GALNTL6: variants seen among roughly 807,000 people sequenced by gnomAD.
GALNTL6 encodes the protein polypeptide N-acetylgalactosaminyltransferase-like 6.
GALNTL6 carries 46 observed loss-of-function variants against 73.7 expected under a neutral mutation model. The ratio of observed to expected loss-of-function variants is 0.62; its 90% CI spans 0.49 to 0.80. The LOEUF is 0.80. GALNTL6 is among the 30% of genes least tolerant of loss of function. GALNTL6 has a pLI of 0.00. For synonymous variants in GALNTL6, 259 were observed against 263.7 expected, an observed-to-expected ratio of 0.98 and a Z score of 0.17; for missense variants, 604 against 755.0, an observed-to-expected ratio of 0.80 and a Z score of 2.34.
chr4:172,252,811 A>C (rs950143214), intron 3 of GALNTL6, among the ~76,000 whole-genome samples: 1 of 151,944 alleles, frequency 6.6e-6, no homozygotes, highest in Non-Finnish European at 1.5e-5. Flanking sequence ...AGTCCTTGGT[A>C]CCTTACGTTC....
At chr4:171,970,441 G>A (rs542800931) in intron 2 of GALNTL6, among the ~76,000 whole-genome samples, 196 of 152,286 alleles carry the variant, frequency 1.3e-3, no homozygotes, top group African/African-American at 4.3e-3. Flanking sequence ...ATATTTAAAT[G>A]TTCAATAAAA....
intron 7 of GALNTL6, among the ~76,000 whole-genome samples, chr4:172,843,362 G>A (rs779555531): frequency 5.9e-5 from 9 of 152,118 alleles, no homozygotes; most frequent in South Asian, 4.1e-4. Context: ...GAGTGGCTTC[G>A]GTAATGGCTG....
chr4:172,875,732 A>AACAAAC (rs1553998180), intron 7 of GALNTL6, among the ~76,000 whole-genome samples: 1 of 145,718 alleles, frequency 6.9e-6, no homozygotes, highest in Non-Finnish European at 1.5e-5. Context: ...CTCATACATA[A>AACAAAC]ACACACACAC....
intron 2 of GALNTL6, among the ~76,000 whole-genome samples, chr4:171,855,956 TC>T (rs1420810147): frequency 6.6e-6 from 1 of 152,240 alleles, no homozygotes; most frequent in African/African-American, 2.4e-5. Context: ...AATTGAATTT[TC>T]TTATTGTTGA....
At chr4:172,873,004 C>T (rs564516563) in intron 7 of GALNTL6, among the ~76,000 whole-genome samples, 5 of 152,298 alleles carry the variant, frequency 3.3e-5, no homozygotes, top group South Asian at 4.1e-4. Context: ...CTATGCCATC[C>T]GAGTACTCCA....
chr4:172,415,689 AAACCG>A (rs1730804881), intron 5 of GALNTL6, among the ~76,000 whole-genome samples: 1 of 152,036 alleles, frequency 6.6e-6, no homozygotes, highest in African/African-American at 2.4e-5. Context: ...ACGTCTCCAA[AAACCG>A]AGCTCCCTGA....
chr4:172,774,109 C>T (rs10023552), intron 5 of GALNTL6, among the ~76,000 whole-genome samples: 78,759 of 151,824 alleles, frequency 0.52, 21,251 homozygotes, highest in East Asian at 0.78. Flanking sequence ...TTTTGCACAA[C>T]GAATTCAAGG....
intron 5 of GALNTL6, among the ~76,000 whole-genome samples, chr4:172,600,525 A>C (rs1436160590): frequency 1.4e-5 from 2 of 146,996 alleles, no homozygotes; most frequent in African/African-American, 2.5e-5. Context: ...TACAGAGAAA[A>C]ATCTCCAAAA....
intron 2 of GALNTL6, among the ~76,000 whole-genome samples, chr4:172,158,603 C>CTTTTTTTTTTTTTTTTTTT (rs1579195811): frequency 6.6e-6 from 1 of 152,080 alleles, no homozygotes; most frequent in East Asian, 1.9e-4. Flanking sequence ...GAGACTTTCT[C>CTTTTTTTTTTTTTTTTTTT]TTATTCTCAT....
chr4:172,957,669 T>A (rs1191818540), intron 10 of GALNTL6, among the ~76,000 whole-genome samples: 2 of 152,248 alleles, frequency 1.3e-5, no homozygotes, highest in Admixed American at 1.3e-4. Context: ...AGAGGACACT[T>A]GTGTAGTGAG....
chr4:172,289,316 A>G (rs1288381487), intron 3 of GALNTL6, among the ~76,000 whole-genome samples: 1 of 152,142 alleles, frequency 6.6e-6, no homozygotes, highest in African/African-American at 2.4e-5. Flanking sequence ...ATCATTGTTT[A>G]ATTGTGTCCT....
chr4:172,607,151 A>G (rs748083267), intron 5 of GALNTL6, among the ~76,000 whole-genome samples: 6 of 152,094 alleles, frequency 3.9e-5, no homozygotes, highest in Non-Finnish European at 7.4e-5. Flanking sequence ...AAAGTAAACA[A>G]TTTGTCAAAA....
chr4:172,795,038 G>A (rs1560957497), intron 5 of GALNTL6, among the ~76,000 whole-genome samples: 1 of 152,176 alleles, frequency 6.6e-6, no homozygotes, highest in African/African-American at 2.4e-5. Flanking sequence ...AAGCTGAAGT[G>A]GAGACTGCAG....
intron 5 of GALNTL6, among the ~76,000 whole-genome samples, chr4:172,633,804 A>T (rs1209361012): frequency 6.6e-6 from 1 of 152,188 alleles, no homozygotes; most frequent in Non-Finnish European, 1.5e-5. Flanking sequence ...TTGAATCATG[A>T]GGGCAGTTTT....
intron 5 of GALNTL6, among the ~76,000 whole-genome samples, chr4:172,452,569 A>T (rs566499485): frequency 6.6e-6 from 1 of 152,188 alleles, no homozygotes; most frequent in Non-Finnish European, 1.5e-5. Flanking sequence ...TTGTGGATAA[A>T]ATCTTTCTCT....
chr4:171,819,102 A>G (rs1734616952), intron 2 of GALNTL6, among the ~76,000 whole-genome samples: 1 of 151,956 alleles, frequency 6.6e-6, no homozygotes, highest in Non-Finnish European at 1.5e-5. Flanking sequence ...CAGGAGGAAA[A>G]ATTTACACCT....
intron 2 of GALNTL6, among the ~76,000 whole-genome samples, chr4:171,985,037 G>C (rs1195379414): frequency 6.6e-6 from 1 of 150,644 alleles, no homozygotes; most frequent in Non-Finnish European, 1.5e-5. Context: ...CTTGCCTTTA[G>C]GTAGATTATT....
intron 5 of GALNTL6, among the ~76,000 whole-genome samples, chr4:172,638,810 T>C (rs1490494297): frequency 6.6e-6 from 1 of 152,158 alleles, no homozygotes; most frequent in Non-Finnish European, 1.5e-5. Flanking sequence ...ATTAATTTAA[T>C]TGTCATCTTG....
At chr4:172,321,094 G>A (rs1028039065) in intron 4 of GALNTL6, among the ~76,000 whole-genome samples, 1 of 152,112 alleles carries the variant, frequency 6.6e-6, no homozygotes, top group Admixed American at 6.6e-5. Flanking sequence ...TATTATTGTT[G>A]TTAATCTCTT....
Sources: gnomAD v4.1 joint callset for allele counts (sites outside exome capture counted in the v4.1 genomes callset) on GRCh38, gnomAD v4.1.1 for gene constraint, MANE v1.5 for transcripts, NCBI Gene and HGNC (gene_info 2026-07-23, HGNC 2026-07-21) for gene names.